INTS8: variants seen among roughly 807,000 people sequenced by gnomAD.
INTS8 encodes the protein protein kaonashi-1.
In INTS8, 47 loss-of-function variants were observed where a neutral mutation model predicts 138.9. The ratio of observed to expected loss-of-function variants is 0.34; its 90% confidence interval spans 0.27 to 0.43. The LOEUF (loss-of-function observed/expected upper bound fraction) is 0.43, where lower values mean the gene tolerates loss of function less well. Among genes scored for constraint, INTS8 ranks in the 20% least tolerant of loss-of-function variants. The probability of loss-of-function intolerance (pLI) is 1.00; values close to 1 mark genes in which losing one functional copy is unlikely to be tolerated. For missense variants in INTS8, 996 were observed against 1,173.0 expected, an observed-to-expected ratio of 0.85 and a Z score of 2.20; for synonymous variants, 392 against 400.9, an observed-to-expected ratio of 0.98 and a Z score of 0.27.
intron 10 of INTS8, among the ~76,000 whole-genome samples, chr8:94,842,978 C>T (rs1001760720): frequency 2.6e-5 from 4 of 152,194 alleles, no homozygotes; most frequent in Non-Finnish European, 4.4e-5. Context: ...ATACCACTTA[C>T]TTCCAAAAAT....
intron 8 of INTS8, among the ~76,000 whole-genome samples, 199 bp downstream of exon 8, chr8:94,838,817 A>C (rs1815030838): frequency 1.3e-5 from 2 of 152,232 alleles, no homozygotes; most frequent in Non-Finnish European, 2.9e-5. Context: ...TAGTGCACAA[A>C]TTCTAAGGCA....
intron 10 of INTS8, among the ~76,000 whole-genome samples, chr8:94,847,717 T>G (rs1471226735): frequency 1.3e-5 from 2 of 152,146 alleles, no homozygotes; most frequent in Non-Finnish European, 2.9e-5. Context: ...TAAATTGAAG[T>G]GCATGAAATT....
At chr8:94,830,123 T>C (rs1036129127) in intron 5 of INTS8, among the ~76,000 whole-genome samples, 6 of 152,212 alleles carry the variant, frequency 3.9e-5, no homozygotes, top group African/African-American at 1.2e-4. Flanking sequence ...CTCGAACTCC[T>C]GACCTCAAGT....
chr8:94,847,394 C>G (rs1815370119), intron 10 of INTS8, among the ~76,000 whole-genome samples: 1 of 152,058 alleles, frequency 6.6e-6, no homozygotes, highest in South Asian at 2.1e-4. Context: ...GTGTCAAGGT[C>G]ATGCTTGCCT....
Position 94,880,136 on chromosome 8 carries a change from A to G in INTS8, c.2890A>G (p.Thr964Ala). ...TTGGAAGATCAAAGCCATCGGCCAG[A>G]CAGAGTTGAATGCAAGCAATCCAGA... ...RQIAIKAIGQ[T>A]ELNASNPEEV... The change falls in exon 27 of 27, where the codon ACA becomes GCA. Residue 964 changes from threonine (T) to alanine (A), a missense_variant. Coordinates refer to ENST00000523731, the MANE Select transcript of INTS8 (RefSeq NM_017864.4). 1 of 1,608,994 alleles carries G rather than the reference A, an allele frequency of 6.2e-7. No individual in the cohort carries two copies. The highest frequency in any genetic ancestry group is 1.1e-5 in the South Asian group (1 of 90,208).
At chr8:94,854,051 AT>A (rs1415485374) in intron 14 of INTS8, 136 bp downstream of exon 14, 1 of 529,262 alleles carries the variant, frequency 1.9e-6, no homozygotes, top group Non-Finnish European at 3.5e-6. Flanking sequence ...CCTGGCCAAC[AT>A]GGTGAAACCT....
chr8:94,864,975 A>C (rs574283254), intron 16 of INTS8, among the ~76,000 whole-genome samples: 1 of 152,050 alleles, frequency 6.6e-6, no homozygotes, highest in East Asian at 1.9e-4. Context: ...TGCCAACTTC[A>C]GTTTCCTTAT....
intron 8 of INTS8, among the ~76,000 whole-genome samples, chr8:94,839,943 G>A (rs549253535): frequency 6.6e-6 from 1 of 152,282 alleles, no homozygotes; most frequent in African/African-American, 2.4e-5. Flanking sequence ...GGAGTGGTAA[G>A]ACCTGTGCCA....
At chr8:94,872,310 T>C (rs1264109389) in intron 21 of INTS8, among the ~76,000 whole-genome samples, 2 of 152,168 alleles carry the variant, frequency 1.3e-5, no homozygotes, top group African/African-American at 4.8e-5. Context: ...CTTGGCTCAC[T>C]GCAAACTCCG....
rs1466370532 is a variant in INTS8, at chr8:94,842,608, ATTGGCAC to A, written c.1260+123_1260+129del. ...CTGCCTTGCGTTTCTGTGCCTGACA[ATTGGCAC>A]TTTTGACAGACTATGCCCTTCCGCC... On this transcript the variant is annotated intron_variant, in intron 10 of 26. Transcript: ENST00000523731. 6 of 736,644 alleles carry A rather than the reference ATTGGCAC, an allele frequency of 8.1e-6. No individual in the cohort carries two copies. The Admixed American group carries it at 1.7e-4, about 21-fold the overall frequency. 45.6% of individuals were successfully genotyped at this position (736,644 alleles called of 1,614,324 possible). A position where few individuals can be genotyped will look rare whatever the true frequency, so the allele number is the denominator to read the frequency against.
intron 16 of INTS8, among the ~76,000 whole-genome samples, chr8:94,861,331 G>A (rs1416804600): frequency 1.5e-5 from 2 of 131,136 alleles, no homozygotes; most frequent in South Asian, 5.4e-4. Context: ...GCGCGATCTC[G>A]GCTCACTGCC....
chr8:94,851,970 T>C (rs1815562598), intron 13 of INTS8, among the ~76,000 whole-genome samples: 1 of 152,212 alleles, frequency 6.6e-6, no homozygotes, highest in Non-Finnish European at 1.5e-5. Flanking sequence ...TGAGACAGAA[T>C]CTCACTCTGT....
intron 12 of INTS8, among the ~76,000 whole-genome samples, chr8:94,850,358 A>G (rs1563655203): frequency 6.6e-6 from 1 of 152,202 alleles, no homozygotes; most frequent in Non-Finnish European, 1.5e-5. Context: ...CACGCCTGTA[A>G]TCCCAGCACT....
In INTS8 at chr8:94,876,439, T is replaced by C. The variant is rs753971544; in HGVS notation, c.2828-7T>C. ...ATCAGATTTATTTTCCTTAACTGAT[T>C]CATTAGATCTTCATCATAAAAGAGG... On this transcript the variant is annotated splice_polypyrimidine_tract_variant and splice_region_variant and intron_variant, in intron 25 of 26. Coordinates refer to ENST00000523731, the MANE Select transcript of INTS8 (RefSeq NM_017864.4). 1.3e-6 allele frequency: 2 copies of C among 1,517,460 alleles called. No individual in the cohort carries two copies. Among genetic ancestry groups the C allele is most frequent in the Admixed American group, 1.8e-5 (1 of 56,648 alleles). The allele number at this position is 1,517,460 out of a possible 1,614,324, so 94.0% of individuals were successfully genotyped here.
At chr8:94,854,343 A>G (rs895989020) in intron 14 of INTS8, among the ~76,000 whole-genome samples, 1 of 152,170 alleles carries the variant, frequency 6.6e-6, no homozygotes, top group Non-Finnish European at 1.5e-5. Context: ...TTAAAAAGGC[A>G]TTTTGGTTTG....
At chr8:94,866,510 C>A (rs753222551) in intron 18 of INTS8, among the ~76,000 whole-genome samples, 2 of 152,096 alleles carry the variant, frequency 1.3e-5, no homozygotes, top group Non-Finnish European at 2.9e-5. Context: ...GTTTCTAACT[C>A]CTGGTCTCAA....
At chr8:94,854,478 G>A (rs1380630991) in intron 14 of INTS8, among the ~76,000 whole-genome samples, 1 of 152,182 alleles carries the variant, frequency 6.6e-6, no homozygotes, top group Non-Finnish European at 1.5e-5. Flanking sequence ...GATTCAGCTA[G>A]TAAAGATTGT....
At chr8:94,877,887 T>C (rs185652533) in intron 26 of INTS8, among the ~76,000 whole-genome samples, 2 of 152,314 alleles carry the variant, frequency 1.3e-5, no homozygotes, top group African/African-American at 4.8e-5. Flanking sequence ...TTCCCTTCCA[T>C]CTTCCCTTCT....
In INTS8 at chr8:94,871,947, C is replaced by G. The variant is rs979626007; in HGVS notation, c.2478C>G (p.Leu826=). 1 of 1,608,448 alleles carries G rather than the reference C, an allele frequency of 6.2e-7. No individual in the cohort carries two copies. Among genetic ancestry groups the G allele is most frequent in the Non-Finnish European group, 8.5e-7 (1 of 1,175,744 alleles). Residue 826 remains leucine, a synonymous_variant, in exon 21 of 27, where the codon CTC becomes CTG. Coordinates refer to ENST00000523731, the MANE Select transcript of INTS8 (RefSeq NM_017864.4). ...ITVKELVRYT[L]SINPNNHSWL... ...TGAAAGAGCTAGTTCGATATACACT[C>G]AGTATAAATCCAAATAACCATTCTT...
Sources: gnomAD v4.1 joint callset for allele counts (sites outside exome capture counted in the v4.1 genomes callset) on GRCh38, gnomAD v4.1.1 for gene constraint, MANE v1.5 for transcripts, NCBI Gene and HGNC (gene_info 2026-07-23, HGNC 2026-07-21) for gene names.